SLC4A1: variants seen among roughly 807,000 people sequenced by gnomAD.
SLC4A1 encodes the protein band 3 anion transport protein.
SLC4A1 carries 29 observed loss-of-function variants against 93.1 expected under a neutral mutation model. The ratio of observed to expected loss-of-function variants is 0.31; its 90% CI spans 0.23 to 0.42. The LOEUF (loss-of-function observed/expected upper bound fraction) is 0.42, where lower values mean the gene tolerates loss of function less well. Ranked by LOEUF, SLC4A1 falls within the 20% of genes least tolerant of loss-of-function variation. The pLI is 1.00. For missense variants in SLC4A1, 965 were observed against 1,190.1 expected, an observed-to-expected ratio of 0.81 and a Z score of 2.78; for synonymous variants, 469 against 497.2, an observed-to-expected ratio of 0.94 and a Z score of 0.76.
chr17:44,251,124 CAGCTCT>C, intron 19 of SLC4A1, 29 bp downstream of exon 19: 22 of 1,566,354 alleles, frequency 1.4e-5, no homozygotes, highest in Non-Finnish European at 1.9e-5. Context: ...CGCATGCTCC[CAGCTCT>C]TGTGCCCCAG....
At chr17:44,251,618 G>A in intron 17 of SLC4A1, 30 bp from the exon 18 acceptor site, 1 of 1,612,906 alleles carries the variant, frequency 6.2e-7, no homozygotes, top group Non-Finnish European at 8.5e-7. Flanking sequence ...TCTCAGCCCA[G>A]GTTGCCCGAG....
At position 44,251,267 on chromosome 17, in the gene SLC4A1, C is replaced by T. The variant is rs753357599; in HGVS notation, c.2547G>A (p.Val849=). 2.2e-5 allele frequency: 35 copies of T among 1,614,102 alleles called. No homozygotes were observed. The highest frequency in any genetic ancestry group is 3.3e-5 in the Admixed American group (2 of 60,008). Reference sequence around the variant, plus strand: ...CCAGGGAGGCCGGCGTGGACTTCACCACCCACAGCACTGCCAGGCAGATGA... The same window carrying T: ...CCAGGGAGGCCGGCGTGGACTTCACTACCCACAGCACTGCCAGGCAGATGA... The part of the protein sequence containing the change: ...IQIICLAVLW[V]VKSTPASLAL... The change falls in exon 19 of 20, where the codon GTG becomes GTA. Residue 849 remains valine (V), a synonymous_variant. Transcript: ENST00000262418.
At position 44,254,605 on chromosome 17, in the gene SLC4A1, T is replaced by C; in HGVS notation, c.1948A>G (p.Ile650Val). 6.2e-7 allele frequency: 1 copy of C among 1,614,028 alleles called. No individual in the cohort carries two copies. Among genetic ancestry groups the C allele is most frequent in the Non-Finnish European group, 8.5e-7 (1 of 1,179,966 alleles). The change falls in exon 16 of 20, where the codon ATC becomes GTC. Residue 650 changes from isoleucine (I) to valine (V), a missense_variant. By Grantham distance (29) the Ile-to-Val change is conservative. This residue lies in a region of SLC4A1 where 770 missense variants were observed against 1,006.6 expected (regional missense o/e 0.76). Transcript: ENST00000262418. ...VSNSSARGWV[I>V]HPLGLRSEFP... ...TCGGAACGCAAGCCCAGTGGGTGGA[T>C]GACCCAGCCCCGGGCTGAGGAGTTG...
intron 1 of SLC4A1, among the ~76,000 whole-genome samples, chr17:44,266,648 G>T (rs556855536): frequency 6.6e-6 from 1 of 152,130 alleles, no homozygotes; most frequent in African/African-American, 2.4e-5. Context: ...CTTACAGGGC[G>T]CACCCATGAC....
chr17:44,260,058 C>G (rs1240387157), intron 6 of SLC4A1, 126 bp from the exon 7 acceptor site: 1 of 1,220,634 alleles, frequency 8.2e-7, no homozygotes. Flanking sequence ...TGGGACTTCC[C>G]AGACCAGACC....
intron 17 of SLC4A1, 117 bp downstream of exon 17, chr17:44,253,001 G>T: frequency 9.3e-7 from 1 of 1,080,886 alleles, no homozygotes; most frequent in Non-Finnish European, 1.4e-6. Flanking sequence ...ATGTGGGGAA[G>T]TGGTGCAGGA....
rs67064853 is a variant in SLC4A1, at chr17:44,251,720, CTTTTTT to C, written c.2312-138_2312-133del. 513 of 392,878 alleles carry C rather than the reference CTTTTTT, an allele frequency of 1.3e-3. 3 individuals carry two copies. Among genetic ancestry groups the C allele is most frequent in the Middle Eastern group, 5.0e-3 (6 of 1,206 alleles). The allele number at this position is 392,878 out of a possible 1,614,324, so 24.3% of individuals were successfully genotyped here. ...GCCATTTCTTTTTTCCTTTTCTTTT[CTTTTTT>C]TTTTTTTTTTTTTGTTTTTTTTTTT... On this transcript the variant is annotated intron_variant, in intron 17 of 19. Coordinates refer to ENST00000262418, the MANE Select transcript of SLC4A1 (RefSeq NM_000342.4).
Position 44,250,379 on chromosome 17 carries a change from G to T in SLC4A1, c.*79C>A. 8.6e-7 allele frequency: 1 copy of T among 1,166,538 alleles called. No individual in the cohort carries two copies. Among genetic ancestry groups the T allele is most frequent in the Non-Finnish European group, 1.3e-6 (1 of 776,922 alleles). 72.3% of individuals were successfully genotyped at this position (1,166,538 alleles called of 1,614,324 possible). A position where few individuals can be genotyped will look rare whatever the true frequency, so the allele number is the denominator to read the frequency against. ...CCAGGAGGATCCTGGAGTCCATGAG[G>T]TGCCCATGAACTTCTGCTTTTCCTT... On this transcript the variant is annotated 3_prime_UTR_variant, in exon 20 of 20. Coordinates refer to ENST00000262418, the MANE Select transcript of SLC4A1 (RefSeq NM_000342.4).
chr17:44,260,462 C>T lies in SLC4A1; in HGVS notation c.427G>A (p.Asp143Asn). The change falls in exon 6 of 20, where the codon GAC becomes AAC. Residue 143 changes from aspartate (D) to asparagine (N), a missense_variant. This residue lies in a region of SLC4A1 where 195 missense variants were observed against 183.5 expected (regional missense o/e 1.06). Coordinates refer to ENST00000262418, the MANE Select transcript of SLC4A1 (RefSeq NM_000342.4). The part of the protein sequence containing the change: ...NQLLDRFIFE[D>N]QIRPQDREEL... ...TCTCGGTCCTGAGGCCGGATCTGGT[C>T]TTCAAAGATAAACCTGTCTAGCAGT... 1 of 1,614,162 alleles carries T rather than the reference C, an allele frequency of 6.2e-7. No homozygotes were observed. The highest frequency in any genetic ancestry group is 8.5e-7 in the Non-Finnish European group (1 of 1,180,014).
intron 13 of SLC4A1, among the ~76,000 whole-genome samples, chr17:44,256,587 T>C (rs2047390934): frequency 6.6e-6 from 1 of 152,166 alleles, no homozygotes; most frequent in South Asian, 2.1e-4. Flanking sequence ...GCCCTGCAGC[T>C]CTTGAGGACA....
At chr17:44,263,307 AG>A (rs1567836652) in intron 1 of SLC4A1, among the ~76,000 whole-genome samples, 1 of 151,990 alleles carries the variant, frequency 6.6e-6, no homozygotes, top group Non-Finnish European at 1.5e-5. Context: ...TCTCTTCTTC[AG>A]GGGGGCTTAG....
Position 44,258,262 on chromosome 17 carries a change from TTGTC to T in SLC4A1, c.1088-86_1088-83del, listed in dbSNP as rs1486425884. ...AGGGGACTGGAGGGTGTAGGGGAGA[TTGTC>T]TGATGGGAATGGGGCGGCGAAGAAG... On this transcript the variant is annotated intron_variant, in intron 10 of 19. Coordinates refer to ENST00000262418, the MANE Select transcript of SLC4A1 (RefSeq NM_000342.4). This position sits in a 1 kb window ranked among gnomAD's most constrained non-coding sequence, Gnocchi z 6.1. 6.1e-6 allele frequency: 9 copies of T among 1,464,216 alleles called. No individual in the cohort carries two copies. The African/African-American group carries it at 1.1e-4, about 18-fold the overall frequency. 90.7% of individuals were successfully genotyped at this position (1,464,216 alleles called of 1,614,324 possible).
chr17:44,251,156 C>T lies in SLC4A1; in HGVS notation c.2655+3G>A. 1 of 1,595,526 alleles carries T rather than the reference C, an allele frequency of 6.3e-7. No individual in the cohort carries two copies. Among genetic ancestry groups the T allele is most frequent in the Non-Finnish European group, 8.5e-7 (1 of 1,171,146 alleles). ...TGTGCCCCAGGCCCAGGCAGCCACTCACACACTGAAGCTCCACGTTCCTGA... is the reference window on the plus strand; with the variant it reads ...TGTGCCCCAGGCCCAGGCAGCCACTTACACACTGAAGCTCCACGTTCCTGA... On this transcript the variant is annotated splice_donor_region_variant and intron_variant, in intron 19 of 19. Transcript: ENST00000262418.
chr17:44,264,381 C>A (rs1486345456), intron 1 of SLC4A1, among the ~76,000 whole-genome samples: 1 of 152,146 alleles, frequency 6.6e-6, no homozygotes, highest in African/African-American at 2.4e-5. Context: ...TTGCCTAAGC[C>A]TGGGAGGCAG....
At chr17:44,254,960 A>G (rs1029742823) in intron 15 of SLC4A1, among the ~76,000 whole-genome samples, 4 of 152,170 alleles carry the variant, frequency 2.6e-5, no homozygotes, top group South Asian at 2.1e-4. Flanking sequence ...GCTCCAAAGA[A>G]TACTTCTTCC....
At chr17:44,267,279 G>A (rs539574424) in intron 1 of SLC4A1, among the ~76,000 whole-genome samples, 2 of 152,318 alleles carry the variant, frequency 1.3e-5, no homozygotes, top group African/African-American at 2.4e-5. Flanking sequence ...TACTAACGGC[G>A]TGTGACTTCA....
At chr17:44,260,093 A>T (rs2047429373) in intron 6 of SLC4A1, among the ~76,000 whole-genome samples, 161 bp from the exon 7 acceptor site, 1 of 152,120 alleles carries the variant, frequency 6.6e-6, no homozygotes, top group African/African-American at 2.4e-5. Flanking sequence ...ATGGAAGGAG[A>T]ATCAGAGCCT....
chr17:44,259,770 C>T, intron 7 of SLC4A1, 39 bp downstream of exon 7: 2 of 1,613,616 alleles, frequency 1.2e-6, no homozygotes, highest in Non-Finnish European at 1.7e-6. Context: ...CTCTCCTTGC[C>T]CCACCCTGAC....
intron 16 of SLC4A1, among the ~76,000 whole-genome samples, chr17:44,253,617 G>C (rs1401998196): frequency 6.6e-6 from 1 of 150,566 alleles, no homozygotes; most frequent in Admixed American, 6.7e-5. Flanking sequence ...AGCTTTGCTT[G>C]TACAGGCCCC....
Sources: allele counts gnomAD v4.1 joint callset (sites outside exome capture counted in the v4.1 genomes callset), GRCh38; gene constraint gnomAD v4.1.1; regional missense constraint gnomAD v4.1.1; non-coding constraint Gnocchi (gnomAD v3.1); transcripts MANE v1.5; gene names NCBI Gene and HGNC (gene_info 2026-07-23, HGNC 2026-07-21).